GALNT17: variants seen among roughly 807,000 people sequenced by gnomAD.
GALNT17 encodes the protein UDP-GalNAc:polypeptide N-acetylgalactosaminyltransferase-like 3.
In GALNT17, 29 loss-of-function variants were observed where a neutral mutation model predicts 63.7. The ratio of observed to expected loss-of-function variants is 0.46; its 90% CI spans 0.34 to 0.62. The LOEUF is 0.62. GALNT17 is among the 20% of genes least tolerant of loss of function. The pLI, the probability that GALNT17 is intolerant of heterozygous loss-of-function variation, is 0.01. For missense variants in GALNT17, 603 were observed against 799.6 expected (o/e 0.75, Z 2.97); for synonymous variants, 305 against 318.3 (o/e 0.96, Z 0.45).
At chr7:71,614,343 T>A (rs968849500) in intron 6 of GALNT17, among the ~76,000 whole-genome samples, 1 of 152,018 alleles carries the variant, frequency 6.6e-6, no homozygotes, top group African/African-American at 2.4e-5. Context: ...GATTTCCAAA[T>A]TATGGATGCT....
chr7:71,185,091 C>CT (rs1424015633), intron 1 of GALNT17, among the ~76,000 whole-genome samples: 1 of 143,164 alleles, frequency 7.0e-6, no homozygotes, highest in African/African-American at 2.7e-5. Flanking sequence ...CTCCTTCCTT[C>CT]TTCTCCCTTC....
intron 1 of GALNT17, among the ~76,000 whole-genome samples, chr7:71,283,598 A>G (rs867091190): frequency 2.6e-5 from 4 of 152,140 alleles, no homozygotes; most frequent in Non-Finnish European, 5.9e-5. Flanking sequence ...CTGTGTCCCC[A>G]TCCAAATCTT....
At chr7:71,407,583 CA>C (rs560342281) in intron 3 of GALNT17, among the ~76,000 whole-genome samples, 57 of 152,026 alleles carry the variant, frequency 3.7e-4, no homozygotes, top group African/African-American at 1.3e-3. Context: ...CCTGTCTCTT[CA>C]AAAAATAAAT....
chr7:71,429,634 C>T (rs541442165), intron 5 of GALNT17, among the ~76,000 whole-genome samples: 1 of 152,336 alleles, frequency 6.6e-6, no homozygotes, highest in African/African-American at 2.4e-5. Context: ...CCTCCAACTC[C>T]TGGGCTCAAG....
intron 6 of GALNT17, among the ~76,000 whole-genome samples, chr7:71,637,256 G>A (rs535490122): frequency 6.6e-6 from 1 of 152,186 alleles, no homozygotes; most frequent in South Asian, 2.1e-4. Flanking sequence ...CGCGATCTCG[G>A]CTCACTGCAA....
rs369059234 is a variant in GALNT17 at position 71,660,315 on chromosome 7, C to G, written c.1081-5096C>G. Among the ~76,000 whole-genome samples the G allele has an allele frequency of 4.0e-4, 61 of 152,252 alleles. No homozygotes were observed. In the East Asian group the frequency reaches 0.011, roughly 29 times the overall value. On this transcript the variant is annotated intron_variant, in intron 6 of 10. Coordinates refer to ENST00000333538, the MANE Select transcript of GALNT17 (RefSeq NM_022479.3). ...CTGGTCCCAGAGCTTGGAGCGTGCC[C>G]TCCTCCTGGCCCATTCCAACCCATC... is the stretch of plus-strand genomic sequence containing the variant.
intron 1 of GALNT17, among the ~76,000 whole-genome samples, chr7:71,163,118 A>G (rs1788377878): frequency 6.6e-6 from 1 of 152,236 alleles, no homozygotes; most frequent in Non-Finnish European, 1.5e-5. Flanking sequence ...TGAAATGGAT[A>G]TGAGGTATAA....
intron 6 of GALNT17, among the ~76,000 whole-genome samples, chr7:71,640,828 A>G (rs945008553): frequency 6.6e-6 from 1 of 150,986 alleles, no homozygotes; most frequent in African/African-American, 2.4e-5. Context: ...CCTGGGCAAC[A>G]TAGCAAGACC....
chr7:71,273,091 G>T (rs1277553857), intron 1 of GALNT17, among the ~76,000 whole-genome samples: 1 of 151,608 alleles, frequency 6.6e-6, no homozygotes, highest in Non-Finnish European at 1.5e-5. Context: ...CCATCTTATT[G>T]TTTTTTTAAC....
chr7:71,420,649 T>C (rs1278523106), intron 4 of GALNT17, among the ~76,000 whole-genome samples: 1 of 152,146 alleles, frequency 6.6e-6, no homozygotes. Flanking sequence ...TGCTCCAGGC[T>C]TTTCGGGCCA....
At chr7:71,170,822 A>G (rs1192693396) in intron 1 of GALNT17, among the ~76,000 whole-genome samples, 3 of 152,188 alleles carry the variant, frequency 2.0e-5, no homozygotes, top group African/African-American at 4.8e-5. Flanking sequence ...ATCTGGGGTC[A>G]TATGATTTCG....
intron 2 of GALNT17, among the ~76,000 whole-genome samples, chr7:71,343,833 G>A (rs2107800): frequency 0.65 from 99,399 of 151,986 alleles, 32,936 homozygotes; most frequent in African/African-American, 0.76. Flanking sequence ...TCTCTTATTT[G>A]GAGGTGCTAA....
At chr7:71,195,688 C>T (rs1407468090) in intron 1 of GALNT17, among the ~76,000 whole-genome samples, 1 of 152,040 alleles carries the variant, frequency 6.6e-6, no homozygotes, top group East Asian at 1.9e-4. Context: ...GCTGGGACTA[C>T]AGGCACATGC....
chr7:71,213,231 G>C (rs1388027465), intron 1 of GALNT17, among the ~76,000 whole-genome samples: 2 of 152,126 alleles, frequency 1.3e-5, no homozygotes, highest in African/African-American at 4.8e-5. Flanking sequence ...TTTATCAGGG[G>C]TTTCTGCTTT....
At chr7:71,516,509 G>T (rs568494801) in intron 5 of GALNT17, among the ~76,000 whole-genome samples, 1 of 152,290 alleles carries the variant, frequency 6.6e-6, no homozygotes, top group South Asian at 2.1e-4. Context: ...TAGAGAAATA[G>T]CCCTTCTTCT....
intron 1 of GALNT17, among the ~76,000 whole-genome samples, chr7:71,133,580 A>G (rs574897886): frequency 6.6e-6 from 1 of 152,206 alleles, no homozygotes; most frequent in Admixed American, 6.5e-5. Context: ...GCTAAGAATG[A>G]GGACTCCTCC....
intron 2 of GALNT17, among the ~76,000 whole-genome samples, chr7:71,376,440 T>G (rs1490921429): frequency 2.8e-4 from 40 of 145,042 alleles, no homozygotes; most frequent in Non-Finnish European, 4.8e-4. Context: ...TTTTTTTTTT[T>G]TTTTTTTTTT....
intron 1 of GALNT17, among the ~76,000 whole-genome samples, chr7:71,277,508 T>C (rs903288908): frequency 1.3e-5 from 2 of 152,168 alleles, no homozygotes; most frequent in African/African-American, 4.8e-5. Flanking sequence ...ACAAAATATA[T>C]TTTAAAAAGA....
intron 2 of GALNT17, among the ~76,000 whole-genome samples, chr7:71,337,533 G>A (rs1791929862): frequency 1.3e-5 from 2 of 152,096 alleles, no homozygotes. Context: ...ATAGGTTATT[G>A]TTTCAACTTA....
Sources: allele counts gnomAD v4.1 joint callset (sites outside exome capture counted in the v4.1 genomes callset), GRCh38; gene constraint gnomAD v4.1.1; transcripts MANE v1.5; gene names NCBI Gene and HGNC (gene_info 2026-07-23, HGNC 2026-07-21).